Variants in GDA observed in about 807,000 individuals in gnomAD.
The protein encoded by GDA is cytoplasmic PSD-95 interactor.
A neutral mutation model predicts 59.6 loss-of-function variants in GDA; 18 were observed. The observed-to-expected ratio is 0.30, with a 90% CI of 0.21 to 0.45. GDA has a LOEUF of 0.45. Among genes scored for constraint, GDA ranks in the 20% least tolerant of loss-of-function variants. The pLI, the probability that GDA is intolerant of heterozygous loss-of-function variation, is 1.00. For missense variants in GDA, 427 were observed against 552.3 expected, an observed-to-expected ratio of 0.77 and a Z score of 2.27; for synonymous variants, 201 against 201.1, an observed-to-expected ratio of 1.00 and a Z score of 0.00.
chr9:72,176,656 ATTGT>A (rs1830569979), intron 1 of GDA, among the ~76,000 whole-genome samples: 1 of 152,144 alleles, frequency 6.6e-6, no homozygotes, highest in Non-Finnish European at 1.5e-5. Context: ...TCCAGTGTTA[ATTGT>A]TAGAAGCTTT....
chr9:72,165,681 G>A (rs907578428), intron 1 of GDA, among the ~76,000 whole-genome samples: 3 of 151,908 alleles, frequency 2.0e-5, no homozygotes, highest in Non-Finnish European at 2.9e-5. Flanking sequence ...GCGGATCATC[G>A]GAGATCAGGA....
At chr9:72,150,791 T>A (rs1168987478) in intron 1 of GDA, among the ~76,000 whole-genome samples, 1 of 152,184 alleles carries the variant, frequency 6.6e-6, no homozygotes, top group East Asian at 1.9e-4. Context: ...ATACTCTTTC[T>A]ATGCACGTTC....
chr9:72,191,662 T>C (rs1832565248), intron 1 of GDA, among the ~76,000 whole-genome samples: 1 of 152,092 alleles, frequency 6.6e-6, no homozygotes, highest in Admixed American at 6.6e-5. Context: ...CTCGGCTCAC[T>C]GCAACCTCCA....
At chr9:72,187,300 G>C (rs1357463565) in intron 1 of GDA, among the ~76,000 whole-genome samples, 3 of 152,186 alleles carry the variant, frequency 2.0e-5, no homozygotes, top group African/African-American at 7.2e-5. Flanking sequence ...TGAGGACAGA[G>C]CTCTCATAAA....
At chr9:72,129,346 C>A (rs546370324) in intron 1 of GDA, among the ~76,000 whole-genome samples, 38 of 152,268 alleles carry the variant, frequency 2.5e-4, no homozygotes, top group African/African-American at 8.9e-4. Context: ...AGAGAATGAG[C>A]CAGGCACGGC....
chr9:72,162,316 A>G (rs1828732051), intron 1 of GDA, among the ~76,000 whole-genome samples: 1 of 152,192 alleles, frequency 6.6e-6, no homozygotes, highest in Middle Eastern at 3.2e-3. Context: ...ATTAGTATGG[A>G]TCAGTATACA....
intron 1 of GDA, among the ~76,000 whole-genome samples, chr9:72,168,390 CTTTT>C (rs77778231): frequency 9.4e-6 from 1 of 105,878 alleles, no homozygotes. Flanking sequence ...GAGACTTTGT[CTTTT>C]TTTTTTTTTT....
At chr9:72,142,792 G>T (rs1296001946) in intron 1 of GDA, among the ~76,000 whole-genome samples, 3 of 151,990 alleles carry the variant, frequency 2.0e-5, no homozygotes, top group African/African-American at 7.2e-5. Context: ...TATTGAGACG[G>T]AGTTTTGCTC....
chr9:72,157,995 GTCC>G (rs1482806262), intron 1 of GDA, among the ~76,000 whole-genome samples: 1 of 152,134 alleles, frequency 6.6e-6, no homozygotes, highest in Non-Finnish European at 1.5e-5. Flanking sequence ...GCCTGGAATA[GTCC>G]TCCTTTTTAT....
chr9:72,158,124 A>G (rs1828147993), intron 1 of GDA, among the ~76,000 whole-genome samples: 1 of 152,218 alleles, frequency 6.6e-6, no homozygotes, highest in South Asian at 2.1e-4. Context: ...CCAAGTTGAA[A>G]TAAATTGCCC....
At chr9:72,143,929 A>T (rs1363824272) in intron 1 of GDA, among the ~76,000 whole-genome samples, 1 of 152,236 alleles carries the variant, frequency 6.6e-6, no homozygotes, top group Non-Finnish European at 1.5e-5. Context: ...ATTTAAAAAT[A>T]ATAGACTTCT....
intron 6 of GDA, among the ~76,000 whole-genome samples, chr9:72,219,963 A>G (rs1027389814): frequency 1.3e-5 from 2 of 152,254 alleles, no homozygotes; most frequent in African/African-American, 4.8e-5. Context: ...TCTTGAAAAG[A>G]TATCTGCACT....
At chr9:72,194,333 C>T (rs1832901572) in intron 1 of GDA, among the ~76,000 whole-genome samples, 1 of 152,104 alleles carries the variant, frequency 6.6e-6, no homozygotes, top group African/African-American at 2.4e-5. Context: ...GTGACGAATC[C>T]TACCAGGACT....
chr9:72,138,102 G>A lies in GDA; in HGVS notation c.-100+23269G>A, dbSNP rs144337681. Among the ~76,000 whole-genome samples, 1,369 of 152,128 alleles carry A rather than the reference G, an allele frequency of 9.0e-3. 22 individuals carry two copies. Among genetic ancestry groups the A allele is most frequent in the African/African-American group, 0.031 (1,294 of 41,458 alleles). ...TGTCTGCAGCTGCAGGCATACCCCC[G>A]AGTCTGCTTTTGGCTTCCCTATCTT... On this transcript the variant is annotated intron_variant, in intron 1 of 13. Coordinates refer to the GDA transcript ENST00000545168.
At chr9:72,207,136 A>G (rs1834823610) in intron 3 of GDA, among the ~76,000 whole-genome samples, 1 of 152,052 alleles carries the variant, frequency 6.6e-6, no homozygotes, top group Non-Finnish European at 1.5e-5. Context: ...ATTCATTCTC[A>G]GTTTAATTCT....
intron 6 of GDA, among the ~76,000 whole-genome samples, chr9:72,221,484 A>G (rs1836861288): frequency 6.6e-6 from 1 of 152,226 alleles, no homozygotes; most frequent in Non-Finnish European, 1.5e-5. Flanking sequence ...CAAAATGAAG[A>G]CACAAAATCA....
chr9:72,258,696 A>G (rs1406863078), downstream of GDA, among the ~76,000 whole-genome samples: 1 of 152,216 alleles, frequency 6.6e-6, no homozygotes, highest in African/African-American at 2.4e-5. Context: ...GGACTGACCA[A>G]ACACAAACGG....
intron 1 of GDA, among the ~76,000 whole-genome samples, chr9:72,177,746 A>G (rs1040301954): frequency 3.3e-5 from 5 of 152,228 alleles, no homozygotes; most frequent in Non-Finnish European, 7.3e-5. Context: ...TTTCAGTATT[A>G]TAAAACATCT....
intron 1 of GDA, among the ~76,000 whole-genome samples, chr9:72,182,120 A>T (rs1831303344): frequency 6.6e-6 from 1 of 152,142 alleles, no homozygotes; most frequent in South Asian, 2.1e-4. Flanking sequence ...AAATAAGGAC[A>T]CTGCCTTACA....
Sources: gnomAD v4.1 joint callset for allele counts (sites outside exome capture counted in the v4.1 genomes callset) on GRCh38, gnomAD v4.1.1 for gene constraint, MANE v1.5 for transcripts, NCBI Gene and HGNC (gene_info 2026-07-23, HGNC 2026-07-21) for gene names.